Variants in TMEM135 observed in about 807,000 individuals in gnomAD.
TMEM135 encodes the protein transmembrane protein 135, also known as peroxisomal membrane protein 52.
A neutral mutation model predicts 60.3 loss-of-function variants in TMEM135; 30 were observed. The ratio of observed to expected loss-of-function variants is 0.50; its 90% CI spans 0.37 to 0.68. The LOEUF (loss-of-function observed/expected upper bound fraction) is 0.68. TMEM135 is among the 30% of genes least tolerant of loss of function. The pLI is 0.00. For synonymous variants in TMEM135, 190 were observed against 186.7 expected, an observed-to-expected ratio of 1.02 and a Z score of -0.14; for missense variants, 468 against 548.8, an observed-to-expected ratio of 0.85 and a Z score of 1.47.
chr11:87,180,355 C>T (rs1237154575), intron 5 of TMEM135, among the ~76,000 whole-genome samples: 1 of 152,030 alleles, frequency 6.6e-6, no homozygotes, highest in African/African-American at 2.4e-5. Context: ...TTGCTTTTTT[C>T]CCCCCTTTCT....
intron 5 of TMEM135, among the ~76,000 whole-genome samples, chr11:87,204,891 TC>T (rs1940201424): frequency 6.6e-6 from 1 of 152,180 alleles, no homozygotes; most frequent in Non-Finnish European, 1.5e-5. Flanking sequence ...TTATGACTAT[TC>T]TTTTCTTTAA....
rs553154546 is a variant in TMEM135 at position 87,108,878 on chromosome 11, T to G, written c.396+17483T>G. On this transcript the variant is annotated intron_variant, in intron 4 of 14. Transcript: ENST00000305494. ...ATTAATAGGTGATTCGATAAGCATA[T>G]TGTGCTATGTCCAAACAGTGGTATA... 5.9e-5 allele frequency among the ~76,000 whole-genome samples: 9 copies of G among 152,308 alleles called. No individual in the cohort carries two copies. The East Asian group carries it at 1.7e-3, about 29-fold the overall frequency.
chr11:87,230,060 C>T (rs4547121), intron 5 of TMEM135, among the ~76,000 whole-genome samples: 4,586 of 152,028 alleles, frequency 0.03, 210 homozygotes, highest in African/African-American at 0.1. Flanking sequence ...TTCATTTCCC[C>T]CAAAGAATTC....
chr11:87,134,702 G>A (rs546628733), intron 4 of TMEM135, among the ~76,000 whole-genome samples: 2 of 152,030 alleles, frequency 1.3e-5, no homozygotes, highest in Non-Finnish European at 2.9e-5. Flanking sequence ...CCCAGTCTGG[G>A]CTTGAACTCC....
Position 87,187,271 on chromosome 11 carries a change from G to C in TMEM135, c.462+29865G>C, listed in dbSNP as rs376044281. Among the ~76,000 whole-genome samples, 8 of 152,332 alleles carry C rather than the reference G, an allele frequency of 5.3e-5. No homozygotes were observed. The South Asian group carries it at 1.5e-3, about 28-fold the overall frequency. On this transcript the variant is annotated intron_variant, in intron 5 of 14. Coordinates refer to ENST00000305494, the MANE Select transcript of TMEM135 (RefSeq NM_022918.4). ...CTTCACAGAAAGTCTCCAAGGTAAA[G>C]AGCAATAAGTTAGAGGGGCCAGCAG...
At chr11:87,271,420 T>C (rs1941859801) in intron 6 of TMEM135, among the ~76,000 whole-genome samples, 1 of 152,194 alleles carries the variant, frequency 6.6e-6, no homozygotes, top group Non-Finnish European at 1.5e-5. Context: ...ACTTTCGTGA[T>C]TATGTAAAAC....
At chr11:87,175,127 G>A (rs1272218526) in intron 5 of TMEM135, among the ~76,000 whole-genome samples, 6 of 152,064 alleles carry the variant, frequency 3.9e-5, no homozygotes, top group Non-Finnish European at 8.8e-5. Flanking sequence ...AAGAAGACTG[G>A]ACTAATTATA....
chr11:87,163,883 T>C (rs975266635), intron 5 of TMEM135, among the ~76,000 whole-genome samples: 1 of 146,776 alleles, frequency 6.8e-6, no homozygotes, highest in Non-Finnish European at 1.5e-5. Context: ...TTTGATGGGG[T>C]TGTTTGTTTT....
chr11:87,128,092 A>G (rs534417358), intron 4 of TMEM135, among the ~76,000 whole-genome samples: 1 of 152,292 alleles, frequency 6.6e-6, no homozygotes, highest in Non-Finnish European at 1.5e-5. Context: ...GGTTACACGG[A>G]TAATAGAGAC....
At chr11:87,206,635 G>A (rs887556145) in intron 5 of TMEM135, among the ~76,000 whole-genome samples, 3 of 152,094 alleles carry the variant, frequency 2.0e-5, no homozygotes, top group African/African-American at 7.2e-5. Flanking sequence ...CTTAATGTTA[G>A]TTTAAGAATA....
At chr11:87,219,765 T>A (rs1421712250) in intron 5 of TMEM135, among the ~76,000 whole-genome samples, 2 of 152,172 alleles carry the variant, frequency 1.3e-5, no homozygotes, top group Non-Finnish European at 2.9e-5. Context: ...CATGAAATAA[T>A]CAGACAATAG....
At chr11:87,193,245 C>T (rs761113860) in intron 5 of TMEM135, among the ~76,000 whole-genome samples, 3 of 152,074 alleles carry the variant, frequency 2.0e-5, no homozygotes. Context: ...TTGTGTCTAG[C>T]AGATTCTAAG....
intron 4 of TMEM135, among the ~76,000 whole-genome samples, chr11:87,143,562 C>T (rs1017309214): frequency 1.8e-4 from 27 of 152,150 alleles, no homozygotes; most frequent in African/African-American, 6.5e-4. Context: ...TGTGCAGTTG[C>T]AGAACATAAC....
intron 5 of TMEM135, among the ~76,000 whole-genome samples, chr11:87,199,695 C>T (rs770555070): frequency 6.6e-6 from 1 of 151,890 alleles, no homozygotes; most frequent in Non-Finnish European, 1.5e-5. Context: ...TTTGGGAGGC[C>T]GAGGCAGGCG....
chr11:87,261,216 C>T (rs1941645082), intron 6 of TMEM135, among the ~76,000 whole-genome samples: 1 of 152,124 alleles, frequency 6.6e-6, no homozygotes, highest in African/African-American at 2.4e-5. Context: ...ATTATCAGGT[C>T]TCTTTCCCCT....
Position 87,326,214 on chromosome 11 carries a change from T to C in TMEM135, c.*4881T>C, listed in dbSNP as rs1273105266. ...AATAGGATGTTCCCTGGTCTTGGCA[T>C]AGAGGCCATAGGCATACAACATGCT... is the stretch of plus-strand genomic sequence containing the variant. On this transcript the variant is annotated 3_prime_UTR_variant, in exon 15 of 15. Coordinates refer to ENST00000305494, the MANE Select transcript of TMEM135 (RefSeq NM_022918.4). The C allele has an allele frequency of 2.2e-6, 1 of 454,018 alleles. No homozygotes were observed. The highest frequency in any genetic ancestry group is 7.0e-5 in the East Asian group (1 of 14,386). 28.1% of individuals were successfully genotyped at this position (454,018 alleles called of 1,614,324 possible). A position where few individuals can be genotyped will look rare whatever the true frequency, so the allele number is the denominator to read the frequency against.
intron 13 of TMEM135, chr11:87,319,042 T>C (rs1185779771): frequency 2.8e-6 from 1 of 352,864 alleles, no homozygotes; most frequent in Non-Finnish European, 5.3e-6. Context: ...CTAATTTTTG[T>C]ATTTTCAGTA....
intron 4 of TMEM135, among the ~76,000 whole-genome samples, chr11:87,151,701 C>CTT (rs142871461): frequency 6.1e-5 from 9 of 148,306 alleles, no homozygotes; most frequent in South Asian, 2.1e-4. Context: ...TCTTGGGCTG[C>CTT]TTTTTTTTTT....
chr11:87,127,276 C>T (rs1039807238), intron 4 of TMEM135, among the ~76,000 whole-genome samples: 7 of 152,150 alleles, frequency 4.6e-5, no homozygotes, highest in South Asian at 4.1e-4. Context: ...GATTCCTAAA[C>T]GTCTTACTTC....
Sources: gnomAD v4.1 joint callset for allele counts (sites outside exome capture counted in the v4.1 genomes callset) on GRCh38, gnomAD v4.1.1 for gene constraint, MANE v1.5 for transcripts, NCBI Gene and HGNC (gene_info 2026-07-23, HGNC 2026-07-21) for gene names.